The following RNF216 variants were observed in gnomAD, a reference collection of about 807,000 sequenced individuals.
RNF216 encodes ring finger protein 216.
Under a neutral mutation model 110.8 loss-of-function variants are expected in RNF216, and 72 were observed. The ratio of observed to expected loss-of-function variants is 0.65; its 90% CI spans 0.54 to 0.79. The LOEUF (loss-of-function observed/expected upper bound fraction) is 0.79, where lower values mean the gene tolerates loss of function less well. RNF216 is among the 30% of genes least tolerant of loss of function. The pLI is 0.00. For missense variants in RNF216, 1,342 were observed against 1,141.2 expected, an observed-to-expected ratio of 1.18 and a Z score of -2.54; for synonymous variants, 495 against 407.5, an observed-to-expected ratio of 1.21 and a Z score of -2.59.
In RNF216 at chr7:5,729,417, G is replaced by C. The variant is rs564102689; in HGVS notation, c.1389+15C>G. ...TCAAGAGGTGTGACCCCAACAGGAAGACCAAGTAGAGTACCTTTCGGGTGA... is the reference window on the plus strand; with the variant it reads ...TCAAGAGGTGTGACCCCAACAGGAACACCAAGTAGAGTACCTTTCGGGTGA... On this transcript the variant is annotated intron_variant, in intron 7 of 16. Coordinates refer to ENST00000389902, the MANE Select transcript of RNF216 (RefSeq NM_207111.4). 99 of 1,613,276 alleles carry C rather than the reference G, an allele frequency of 6.1e-5. No homozygotes were observed. Among genetic ancestry groups the C allele is most frequent in the Non-Finnish European group, 8.0e-5 (94 of 1,179,402 alleles).
At chr7:5,689,258 T>C (rs767750053) in intron 13 of RNF216, among the ~76,000 whole-genome samples, 35 of 151,968 alleles carry the variant, frequency 2.3e-4, no homozygotes, top group African/African-American at 6.5e-4. Flanking sequence ...TGGCAGCATT[T>C]TGGCTAGTTT....
At chr7:5,711,264 A>G (rs1792668019) in intron 13 of RNF216, among the ~76,000 whole-genome samples, 1 of 152,228 alleles carries the variant, frequency 6.6e-6, no homozygotes, top group African/African-American at 2.4e-5. Context: ...CCCACGTAAT[A>G]TAGTCAGTTC....
At chr7:5,642,635 T>C (rs2128568561) in intron 14 of RNF216, among the ~76,000 whole-genome samples, 1 of 151,790 alleles carries the variant, frequency 6.6e-6, no homozygotes, top group South Asian at 2.1e-4. Context: ...CTGGCTTTCA[T>C]GCCCGGCCAT....
chr7:5,666,901 C>T (rs1316643259), intron 13 of RNF216, among the ~76,000 whole-genome samples: 1 of 150,778 alleles, frequency 6.6e-6, no homozygotes, highest in East Asian at 2.0e-4. Context: ...TCACTGGGCT[C>T]AAGCCTGGGC....
At chr7:5,643,257 G>C (rs1787851544) in intron 14 of RNF216, among the ~76,000 whole-genome samples, 1 of 151,830 alleles carries the variant, frequency 6.6e-6, no homozygotes, top group African/African-American at 2.4e-5. Context: ...TACTGGATAG[G>C]GCCAGAATGG....
chr7:5,731,490 G>A (rs551650230), intron 5 of RNF216, among the ~76,000 whole-genome samples: 2 of 151,328 alleles, frequency 1.3e-5, no homozygotes, highest in Admixed American at 1.3e-4. Context: ...GCTATATAGA[G>A]TGAGATAACA....
At chr7:5,742,146 A>T (rs1055580056) in intron 3 of RNF216, among the ~76,000 whole-genome samples, 17 of 152,176 alleles carry the variant, frequency 1.1e-4, no homozygotes, top group Non-Finnish European at 1.2e-4. Context: ...TCCCGGGCTC[A>T]AGCAACTCTT....
At chr7:5,738,151 G>A (rs1369919564) in intron 5 of RNF216, among the ~76,000 whole-genome samples, 1 of 150,102 alleles carries the variant, frequency 6.7e-6, no homozygotes, top group African/African-American at 2.5e-5. Context: ...ATTAGAAGGA[G>A]GGGAAAGAGT....
chr7:5,716,660 A>G, intron 10 of RNF216, 56 bp downstream of exon 10: 1 of 1,384,352 alleles, frequency 7.2e-7, no homozygotes, highest in Middle Eastern at 1.8e-4. Flanking sequence ...AAAACATGGT[A>G]AGAGAAAACA....
At chr7:5,770,122 A>C (rs915395509) in intron 1 of RNF216, among the ~76,000 whole-genome samples, 1 of 150,624 alleles carries the variant, frequency 6.6e-6, no homozygotes, top group Non-Finnish European at 1.5e-5. Flanking sequence ...TGAGGCAAGC[A>C]GATTGCTTGA....
At chr7:5,740,326 C>T (rs901270419) in intron 4 of RNF216, among the ~76,000 whole-genome samples, 3 of 152,006 alleles carry the variant, frequency 2.0e-5, no homozygotes, top group African/African-American at 7.2e-5. Context: ...CAGGGTTTCA[C>T]CGTGTTAGCC....
In RNF216 at chr7:5,759,067, G is replaced by C. The variant is rs78960176; in HGVS notation, c.67+1936C>G. Among the ~76,000 whole-genome samples the C allele has an allele frequency of 2.2e-3, 328 of 152,246 alleles. 1 individual carries two copies. Among genetic ancestry groups the C allele is most frequent in the African/African-American group, 7.7e-3 (322 of 41,552 alleles). ...TGATTTAGCACAATCCGTTCTGGTT[G>C]CAACAGTGAGTTCTTGTGAGATCTG... is the stretch of plus-strand genomic sequence containing the variant. On this transcript the variant is annotated intron_variant, in intron 2 of 16. Coordinates refer to ENST00000389902, the MANE Select transcript of RNF216 (RefSeq NM_207111.4).
chr7:5,630,576 G>C (rs1787007893), intron 15 of RNF216, among the ~76,000 whole-genome samples: 1 of 152,104 alleles, frequency 6.6e-6, no homozygotes, highest in Non-Finnish European at 1.5e-5. Flanking sequence ...GATGGTGGTG[G>C]AGGGGGAGTT....
intron 13 of RNF216, among the ~76,000 whole-genome samples, chr7:5,699,637 G>C (rs1042450374): frequency 1.1e-4 from 17 of 152,356 alleles, no homozygotes; most frequent in African/African-American, 3.6e-4. Flanking sequence ...CTTCCCAGGG[G>C]AATTGTACAG....
In RNF216 at chr7:5,729,648, A is replaced by G. The variant is rs927465166; in HGVS notation, c.1225-52T>C. ...AGAGGCCAGGCAGTACATTTCCCATACAGGGGAAATCATTTTAAGAATTAC... is the reference window on the plus strand; with the variant it reads ...AGAGGCCAGGCAGTACATTTCCCATGCAGGGGAAATCATTTTAAGAATTAC... On this transcript the variant is annotated intron_variant, in intron 6 of 16. Coordinates refer to ENST00000389902, the MANE Select transcript of RNF216 (RefSeq NM_207111.4). 3.5e-6 allele frequency: 5 copies of G among 1,414,850 alleles called. No homozygotes were observed. In the African/African-American group the frequency reaches 5.7e-5, roughly 16 times the overall value. 87.6% of individuals were successfully genotyped at this position (1,414,850 alleles called of 1,614,324 possible).
At chr7:5,719,347 G>C (rs551150432) in intron 9 of RNF216, among the ~76,000 whole-genome samples, 2 of 152,332 alleles carry the variant, frequency 1.3e-5, no homozygotes, top group South Asian at 2.1e-4. Context: ...CTGCACTCCA[G>C]CCTAAGTAAC....
intron 11 of RNF216, among the ~76,000 whole-genome samples, chr7:5,714,376 A>G (rs1303880212): frequency 6.6e-6 from 1 of 152,142 alleles, no homozygotes; most frequent in African/African-American, 2.4e-5. Context: ...CTCCTGCCTC[A>G]GCCTCCCCAG....
At chr7:5,668,971 T>C (rs1789717723) in intron 13 of RNF216, among the ~76,000 whole-genome samples, 2 of 152,226 alleles carry the variant, frequency 1.3e-5, no homozygotes, top group Non-Finnish European at 2.9e-5. Context: ...CCAGCCGAAA[T>C]CTAGTCATCT....
chr7:5,665,271 A>T (rs544893615), intron 13 of RNF216, among the ~76,000 whole-genome samples: 1 of 152,182 alleles, frequency 6.6e-6, no homozygotes, highest in African/African-American at 2.4e-5. Context: ...CAGAAATTCA[A>T]ATCTGGGAGT....
Sources: allele counts gnomAD v4.1 joint callset (sites outside exome capture counted in the v4.1 genomes callset), GRCh38; gene constraint gnomAD v4.1.1; transcripts MANE v1.5; gene names NCBI Gene and HGNC (gene_info 2026-07-23, HGNC 2026-07-21).